Variants in SHISA9 observed in about 807,000 individuals in gnomAD.
The protein encoded by SHISA9 is protein shisa-9.
Under a neutral mutation model 38.0 loss-of-function variants are expected in SHISA9, and 13 were observed. The ratio of observed to expected loss-of-function variants is 0.34; its 90% CI spans 0.22 to 0.54. SHISA9 has a LOEUF of 0.54. Ranked by LOEUF, SHISA9 falls within the 20% of genes least tolerant of loss-of-function variation. The pLI is 0.91. For missense variants in SHISA9, 538 were observed against 575.8 expected (o/e 0.93, Z 0.67); for synonymous variants, 275 against 242.0 (o/e 1.14, Z -1.27).
the SHISA9 span, among the ~76,000 whole-genome samples, chr16:13,288,582 T>A: frequency 6.6e-6 from 1 of 152,032 alleles, no homozygotes; most frequent in African/African-American, 2.4e-5. Flanking sequence ...GATCATGAGG[T>A]CAGGAGATCT....
chr16:13,352,698 A>G, the SHISA9 span, among the ~76,000 whole-genome samples: 5 of 3,490 alleles, frequency 1.4e-3, no homozygotes, highest in African/African-American at 6.5e-3. Context: ...GAAGGGAGAT[A>G]AGGGGGGGGG....
intron 2 of SHISA9, among the ~76,000 whole-genome samples, chr16:13,022,994 C>T (rs1018221456): frequency 5.3e-5 from 8 of 150,078 alleles, no homozygotes; most frequent in Admixed American, 5.3e-4. Flanking sequence ...TGCAAAGACC[C>T]GTTTTTCTTT....
At chr16:13,469,346 G>GAAAAGAA in the SHISA9 span, among the ~76,000 whole-genome samples, 2 of 111,032 alleles carry the variant, frequency 1.8e-5, no homozygotes, top group African/African-American at 3.4e-5. Flanking sequence ...AAGAAAGAAA[G>GAAAAGAA]AAAGAAAGAA....
At chr16:13,480,134 C>T in the SHISA9 span, among the ~76,000 whole-genome samples, 227 of 152,208 alleles carry the variant, frequency 1.5e-3, 4 homozygotes, top group African/African-American at 5.2e-3. Context: ...GCTTGGTGTG[C>T]GGTGTAGTGG....
the SHISA9 span, among the ~76,000 whole-genome samples, chr16:13,261,849 A>T: frequency 0.16 from 24,484 of 152,136 alleles, 2,738 homozygotes; most frequent in East Asian, 0.39. Context: ...TGAGACTCAA[A>T]CCCATCTGTA....
the SHISA9 span, among the ~76,000 whole-genome samples, chr16:13,249,195 C>G: frequency 6.6e-6 from 1 of 152,158 alleles, no homozygotes; most frequent in Non-Finnish European, 1.5e-5. Context: ...GACATTAGTC[C>G]TGGTCCAGCT....
At chr16:13,368,301 T>C in the SHISA9 span, among the ~76,000 whole-genome samples, 3 of 152,104 alleles carry the variant, frequency 2.0e-5, no homozygotes, top group Admixed American at 2.0e-4. Context: ...TCAAGGAATT[T>C]TGGTAGCACA....
At chr16:13,483,766 C>T in the SHISA9 span, among the ~76,000 whole-genome samples, 1 of 152,168 alleles carries the variant, frequency 6.6e-6, no homozygotes, top group African/African-American at 2.4e-5. Flanking sequence ...GTCCAGAGAT[C>T]TTCTGGATAA....
the SHISA9 span, among the ~76,000 whole-genome samples, chr16:13,277,009 GT>G: frequency 6.6e-6 from 1 of 151,974 alleles, no homozygotes; most frequent in African/African-American, 2.4e-5. Context: ...TCTAGAAGGA[GT>G]TTTCCAATGT....
At chr16:12,994,416 T>C (rs981884551) in intron 2 of SHISA9, among the ~76,000 whole-genome samples, 4 of 152,194 alleles carry the variant, frequency 2.6e-5, no homozygotes, top group African/African-American at 9.7e-5. Context: ...ATGACGTGAT[T>C]TGGTGATTGT....
At chr16:13,397,332 G>A in the SHISA9 span, among the ~76,000 whole-genome samples, 22 of 152,308 alleles carry the variant, frequency 1.4e-4, no homozygotes, top group South Asian at 4.1e-4. Flanking sequence ...AGACAGGTCC[G>A]CTGTGGGGCT....
At chr16:13,314,562 C>T in the SHISA9 span, among the ~76,000 whole-genome samples, 1 of 151,568 alleles carries the variant, frequency 6.6e-6, no homozygotes, top group East Asian at 1.9e-4. Flanking sequence ...TTTTTAACAG[C>T]TTTAGTGAGG....
the SHISA9 span, among the ~76,000 whole-genome samples, chr16:13,348,189 G>A: frequency 1.3e-5 from 2 of 152,096 alleles, no homozygotes; most frequent in Non-Finnish European, 2.9e-5. Context: ...GACACCAGAA[G>A]TATTTCAGAC....
At chr16:13,559,609 C>T in the SHISA9 span, among the ~76,000 whole-genome samples, 2 of 152,080 alleles carry the variant, frequency 1.3e-5, no homozygotes, top group South Asian at 2.1e-4. Context: ...TCTTAAACTC[C>T]TCATCTCAAG....
the SHISA9 span, among the ~76,000 whole-genome samples, chr16:13,492,566 C>T: frequency 6.6e-6 from 1 of 152,098 alleles, no homozygotes; most frequent in African/African-American, 2.4e-5. Flanking sequence ...TGAAGACTGT[C>T]GGCTGCCAAA....
the SHISA9 span, among the ~76,000 whole-genome samples, chr16:13,340,820 C>T: frequency 3.8e-4 from 58 of 152,184 alleles, no homozygotes; most frequent in African/African-American, 1.3e-3. Flanking sequence ...CTCTTGCTAC[C>T]GGGCCTTTGC....
At chr16:12,935,867 AAG>A (rs1555501580) in intron 2 of SHISA9, among the ~76,000 whole-genome samples, 1 of 150,942 alleles carries the variant, frequency 6.6e-6, no homozygotes, top group African/African-American at 2.4e-5. Context: ...AAAAAAAAAA[AAG>A]AAGGGACATA....
the SHISA9 span, among the ~76,000 whole-genome samples, chr16:13,529,430 C>T: frequency 6.6e-6 from 1 of 152,208 alleles, no homozygotes; most frequent in Admixed American, 6.5e-5. Flanking sequence ...GACCTCTAAA[C>T]CCACCTATGA....
chr16:13,025,017 C>T (rs764397153), intron 2 of SHISA9, among the ~76,000 whole-genome samples: 7 of 152,070 alleles, frequency 4.6e-5, no homozygotes, highest in Non-Finnish European at 8.8e-5. Flanking sequence ...GACATTGATA[C>T]CAACATGTTA....
Sources: gnomAD v4.1 joint callset for allele counts (sites outside exome capture counted in the v4.1 genomes callset) on GRCh38, gnomAD v4.1.1 for gene constraint, MANE v1.5 for transcripts, NCBI Gene and HGNC (gene_info 2026-07-23, HGNC 2026-07-21) for gene names.